Variants in PIK3CB observed in about 807,000 individuals in gnomAD.
PIK3CB encodes the protein phosphatidylinositol-4,5-bisphosphate 3-kinase catalytic subunit beta.
Under a neutral mutation model 136.8 loss-of-function variants are expected in PIK3CB, and 39 were observed. The observed-to-expected ratio is 0.29, with a 90% CI of 0.22 to 0.37. The LOEUF is 0.37. PIK3CB is among the 10% of genes least tolerant of loss of function. The pLI is 1.00. For missense variants in PIK3CB, 868 were observed against 1,275.4 expected (o/e 0.68, Z 4.87); for synonymous variants, 428 against 436.6 (o/e 0.98, Z 0.25).
chr3:138,731,786 C>T (rs566561094), intron 8 of PIK3CB, among the ~76,000 whole-genome samples: 1 of 151,636 alleles, frequency 6.6e-6, no homozygotes, highest in South Asian at 2.1e-4. Context: ...AGTTCGAGAC[C>T]AGCCTGGCCA....
At chr3:138,795,360 C>T (rs2046097920) in intron 2 of PIK3CB, among the ~76,000 whole-genome samples, 1 of 147,854 alleles carries the variant, frequency 6.8e-6, no homozygotes, top group South Asian at 2.1e-4. Context: ...AGCATGGTGA[C>T]CCATGCCTAT....
At position 138,740,538 on chromosome 3, in the gene PIK3CB, C is replaced by T. The variant is rs117983243; in HGVS notation, c.621+2020G>A. ...GGAATCATTTTGAGAAGTCGCATGC[C>T]TCCTCTTTCCTCCTTGACCTCACCT... On this transcript the variant is annotated intron_variant, in intron 5 of 23. Coordinates refer to ENST00000674063, the MANE Select transcript of PIK3CB (RefSeq NM_006219.3). Among the ~76,000 whole-genome samples, 87 of 152,294 alleles carry T rather than the reference C, an allele frequency of 5.7e-4. No individual in the cohort carries two copies. The East Asian group carries it at 0.017, about 29-fold the overall frequency.
chr3:138,782,968 A>C lies in PIK3CB; in HGVS notation c.-17+13495T>G, dbSNP rs150275514. 9.0e-3 allele frequency among the ~76,000 whole-genome samples: 1,364 copies of C among 152,312 alleles called. 8 individuals are homozygous for C. The highest frequency in any genetic ancestry group is 0.014 in the Non-Finnish European group (927 of 68,020). On this transcript the variant is annotated intron_variant, in intron 2 of 23. Transcript: ENST00000674063. ...GATTAAAACCCACATATCCTCCCTC[A>C]GTCAGTCCAATATCACTGTTTTCCT...
At chr3:138,682,229 TAAATTA>T (rs2043796770) in intron 18 of PIK3CB, among the ~76,000 whole-genome samples, 184 bp from the exon 19 acceptor site, 1 of 152,378 alleles carries the variant, frequency 6.6e-6, no homozygotes, top group African/African-American at 2.4e-5. Context: ...TTTCAGACAT[TAAATTA>T]AAAGATTTTT....
intron 8 of PIK3CB, among the ~76,000 whole-genome samples, chr3:138,719,952 G>GA (rs2044692281): frequency 6.6e-6 from 1 of 151,878 alleles, no homozygotes; most frequent in Non-Finnish European, 1.5e-5. Flanking sequence ...TGTGAAAATA[G>GA]AAAATGAGAC....
intron 14 of PIK3CB, among the ~76,000 whole-genome samples, chr3:138,692,403 A>G: frequency 6.6e-6 from 1 of 152,240 alleles, no homozygotes; most frequent in East Asian, 1.9e-4. Context: ...CGTTTAAGAA[A>G]AACACTTGGC....
At chr3:138,790,824 A>G (rs965443555) in intron 2 of PIK3CB, among the ~76,000 whole-genome samples, 5 of 150,466 alleles carry the variant, frequency 3.3e-5, no homozygotes, top group Non-Finnish European at 7.4e-5. Context: ...AAAAAAAAAA[A>G]AAAAAGAAAA....
intron 1 of PIK3CB, among the ~76,000 whole-genome samples, chr3:138,812,820 C>T (rs1933131724): frequency 6.6e-6 from 1 of 152,164 alleles, no homozygotes; most frequent in African/African-American, 2.4e-5. Flanking sequence ...TAAGCCACCA[C>T]ACCCAGCCAG....
chr3:138,691,154 C>T lies in PIK3CB; in HGVS notation c.1893-11G>A, dbSNP rs1440367118. ...GAAAGTTCTTCATCACTGAAAGAAA[C>T]AAAAGACACAGTGAGTAACCAAACA... is the stretch of plus-strand genomic sequence containing the variant. On this transcript the variant is annotated splice_polypyrimidine_tract_variant and intron_variant, in intron 14 of 23. Transcript: ENST00000674063. 6.2e-7 allele frequency: 1 copy of T among 1,610,020 alleles called. No individual in the cohort carries two copies. Among genetic ancestry groups the T allele is most frequent in the African/African-American group, 1.3e-5 (1 of 74,628 alleles).
chr3:138,733,224 A>G (rs2045026129), intron 8 of PIK3CB, 137 bp downstream of exon 8: 1 of 426,422 alleles, frequency 2.3e-6, no homozygotes, highest in Admixed American at 4.3e-5. Context: ...TAGTCTTATA[A>G]TAAATTACCA....
chr3:138,661,628 A>T (rs1460194981), intron 21 of PIK3CB, among the ~76,000 whole-genome samples: 1 of 152,252 alleles, frequency 6.6e-6, no homozygotes, highest in Non-Finnish European at 1.5e-5. Context: ...GACTCCTTTT[A>T]AGTATGGACA....
chr3:138,686,229 A>C (rs1177271605), intron 16 of PIK3CB, among the ~76,000 whole-genome samples: 2 of 152,238 alleles, frequency 1.3e-5, no homozygotes, highest in Middle Eastern at 3.4e-3. Context: ...ACTTGAGGTC[A>C]GGAGTTCAAG....
At chr3:138,672,533 A>G (rs979059139) in intron 19 of PIK3CB, among the ~76,000 whole-genome samples, 4 of 152,254 alleles carry the variant, frequency 2.6e-5, no homozygotes, top group African/African-American at 9.6e-5. Context: ...ACTGAGTATT[A>G]TTAACTATAT....
At chr3:138,697,312 C>T (rs1038397909) in intron 13 of PIK3CB, among the ~76,000 whole-genome samples, 1 of 152,090 alleles carries the variant, frequency 6.6e-6, no homozygotes, top group Middle Eastern at 3.2e-3. Context: ...AATAACTATT[C>T]TACAGCAATT....
intron 1 of PIK3CB, among the ~76,000 whole-genome samples, chr3:138,827,376 T>A (rs937604493): frequency 6.6e-6 from 1 of 151,876 alleles, no homozygotes; most frequent in African/African-American, 2.4e-5. Flanking sequence ...AATAGAAGGC[T>A]GGGTTCAGTG....
chr3:138,693,213 C>G (rs1318613855), intron 14 of PIK3CB, among the ~76,000 whole-genome samples: 2 of 152,068 alleles, frequency 1.3e-5, no homozygotes, highest in Non-Finnish European at 2.9e-5. Flanking sequence ...CCTACCTCAG[C>G]CGCCCAAGTA....
At chr3:138,771,206 A>T (rs2045795050) in intron 2 of PIK3CB, among the ~76,000 whole-genome samples, 1 of 148,518 alleles carries the variant, frequency 6.7e-6, no homozygotes, top group Non-Finnish European at 1.5e-5. Flanking sequence ...ACTGAACAGT[A>T]TAGAACTTCA....
chr3:138,706,437 A>T (rs1307763562), intron 11 of PIK3CB, among the ~76,000 whole-genome samples: 1 of 152,234 alleles, frequency 6.6e-6, no homozygotes, highest in Non-Finnish European at 1.5e-5. Flanking sequence ...CTACATTAGG[A>T]AGCGCCACTA....
chr3:138,711,017 G>A (rs1314826646), intron 10 of PIK3CB, among the ~76,000 whole-genome samples: 1 of 151,730 alleles, frequency 6.6e-6, no homozygotes, highest in Non-Finnish European at 1.5e-5. Flanking sequence ...CCAGGAGGTG[G>A]AGCTTGAAGT....
Sources: allele counts gnomAD v4.1 joint callset (sites outside exome capture counted in the v4.1 genomes callset), GRCh38; gene constraint gnomAD v4.1.1; transcripts MANE v1.5; gene names NCBI Gene and HGNC (gene_info 2026-07-23, HGNC 2026-07-21).